Variants in RAB1A observed in about 807,000 individuals in gnomAD.
The protein encoded by RAB1A is ras-related protein Rab-1A.
Under a neutral mutation model 26.0 loss-of-function variants are expected in RAB1A, and 2 were observed. The observed-to-expected ratio is 0.08, with a 90% CI of 0.03 to 0.24. The LOEUF (loss-of-function observed/expected upper bound fraction) is 0.24, where lower values mean the gene tolerates loss of function less well. Among genes scored for constraint, RAB1A ranks in the 10% least tolerant of loss-of-function variants. The pLI is 1.00. For synonymous variants in RAB1A, 84 were observed against 84.9 expected (o/e 0.99, Z 0.06); for missense variants, 100 against 247.0 (o/e 0.40, Z 3.99).
chr2:65,113,037 C>T (rs745746176), intron 1 of RAB1A, among the ~76,000 whole-genome samples: 21 of 151,922 alleles, frequency 1.4e-4, no homozygotes, highest in Non-Finnish European at 2.5e-4. Context: ...AGAGAGAAGC[C>T]CCATCTCTTA....
intron 1 of RAB1A, among the ~76,000 whole-genome samples, chr2:65,108,175 A>G (rs568699544): frequency 1.3e-5 from 2 of 152,098 alleles, no homozygotes; most frequent in African/African-American, 4.8e-5. Context: ...CAGCCAGGCC[A>G]ACACGATGAA....
intron 1 of RAB1A, among the ~76,000 whole-genome samples, chr2:65,105,888 G>A (rs886186087): frequency 2.0e-5 from 3 of 151,832 alleles, no homozygotes; most frequent in Admixed American, 2.0e-4. Context: ...TCAGCCTCCC[G>A]AGTAGCTGGG....
intron 1 of RAB1A, among the ~76,000 whole-genome samples, chr2:65,124,389 T>TA (rs1195332270): frequency 1.3e-5 from 2 of 151,718 alleles, no homozygotes; most frequent in African/African-American, 4.8e-5. Context: ...CTGCACAACA[T>TA]AGGAGGCACA....
chr2:65,096,727 A>G (rs771305170), intron 3 of RAB1A, among the ~76,000 whole-genome samples: 1 of 152,238 alleles, frequency 6.6e-6, no homozygotes, highest in Non-Finnish European at 1.5e-5. Context: ...GTGTTTACTT[A>G]TATCAATATC....
chr2:65,125,737 T>C (rs1670082650), intron 1 of RAB1A, among the ~76,000 whole-genome samples: 1 of 151,956 alleles, frequency 6.6e-6, no homozygotes, highest in Admixed American at 6.6e-5. Flanking sequence ...CTTAATGTGC[T>C]GAAATAATCA....
intron 3 of RAB1A, among the ~76,000 whole-genome samples, chr2:65,095,506 C>T (rs934610843): frequency 7.1e-6 from 1 of 141,574 alleles, no homozygotes; most frequent in African/African-American, 2.6e-5. Context: ...TGGACCACCA[C>T]ACCTGGTTAC....
intron 3 of RAB1A, among the ~76,000 whole-genome samples, chr2:65,095,657 C>T (rs1451363292): frequency 6.6e-6 from 1 of 151,604 alleles, no homozygotes; most frequent in African/African-American, 2.4e-5. Flanking sequence ...AGGCAACATG[C>T]CTAGCTGAAG....
chr2:65,099,176 TACA>T (rs1669360236), intron 2 of RAB1A, among the ~76,000 whole-genome samples: 1 of 151,846 alleles, frequency 6.6e-6, no homozygotes, highest in Non-Finnish European at 1.5e-5. Flanking sequence ...ACTACAAATA[TACA>T]ACATTTTATC....
intron 2 of RAB1A, among the ~76,000 whole-genome samples, chr2:65,098,673 CT>C (rs2103836283): frequency 1.3e-5 from 2 of 152,182 alleles, no homozygotes; most frequent in Non-Finnish European, 2.9e-5. Context: ...AAGAACCCGT[CT>C]TCACTCCCTG....
chr2:65,098,962 G>A (rs1026459015), intron 2 of RAB1A, among the ~76,000 whole-genome samples: 2 of 150,406 alleles, frequency 1.3e-5, no homozygotes, highest in Non-Finnish European at 2.9e-5. Flanking sequence ...TCAGCCACCT[G>A]AGTAGTAGGG....
Position 65,088,419 on chromosome 2 carries a change from T to G in RAB1A, c.*74A>C. On this transcript the variant is annotated 3_prime_UTR_variant, in exon 6 of 6. Coordinates refer to ENST00000409784, the MANE Select transcript of RAB1A (RefSeq NM_004161.5). ...TGTAGTGCAGCTACATACAGTACAA[T>G]TCAGGCAATTTTGTTTTTTCACTTG... 3.1e-6 allele frequency: 4 copies of G among 1,285,770 alleles called. No individual in the cohort carries two copies. In the South Asian group the frequency reaches 4.3e-5, roughly 14 times the overall value. The allele number at this position is 1,285,770 out of a possible 1,614,324, so 79.6% of individuals were successfully genotyped here. A position where few individuals can be genotyped will look rare whatever the true frequency, so the allele number is the denominator to read the frequency against.
In RAB1A at chr2:65,105,511, C is replaced by CAAAAAAAAAA. The variant is rs60594101; in HGVS notation, c.24-715_24-706dup. On this transcript the variant is annotated intron_variant, in intron 1 of 5. Transcript: ENST00000409784. ...GGGCAATAAGAACGAAACTCTGTCT[C>CAAAAAAAAAA]AAAAAAAAAAAAAAAAAAAAAAAAA... 86 of 33,026 alleles carry CAAAAAAAAAA rather than the reference C, an allele frequency of 2.6e-3. 4 individuals carry two copies. The highest frequency in any genetic ancestry group is 8.6e-3 in the African/African-American group (84 of 9,758). 2.0% of individuals were successfully genotyped at this position (33,026 alleles called of 1,614,324 possible).
chr2:65,088,347 T>C lies in RAB1A; in HGVS notation c.*146A>G, dbSNP rs530260936. ...CAAGGGAATAAAAAAAAAGTCAGTATTGACCATTTACAATCTCTGACCTTT... is the reference window on the plus strand; with the variant it reads ...CAAGGGAATAAAAAAAAAGTCAGTACTGACCATTTACAATCTCTGACCTTT... On this transcript the variant is annotated 3_prime_UTR_variant, in exon 6 of 6. Transcript: ENST00000409784. 7.6e-6 allele frequency: 5 copies of C among 657,944 alleles called. No homozygotes were observed. Among genetic ancestry groups the C allele is most frequent in the East Asian group, 5.8e-5 (2 of 34,542 alleles). 40.8% of individuals were successfully genotyped at this position (657,944 alleles called of 1,614,324 possible). A position where few individuals can be genotyped will look rare whatever the true frequency, so the allele number is the denominator to read the frequency against.
intron 3 of RAB1A, among the ~76,000 whole-genome samples, chr2:65,096,097 G>A (rs1173516816): frequency 2.6e-5 from 4 of 151,938 alleles, no homozygotes; most frequent in African/African-American, 4.8e-5. Context: ...AGGCTGCAGC[G>A]AGCCAAGATT....
At chr2:65,101,500 G>A (rs561018490) in intron 2 of RAB1A, among the ~76,000 whole-genome samples, 2 of 152,058 alleles carry the variant, frequency 1.3e-5, no homozygotes, top group East Asian at 1.9e-4. Context: ...AGGTATTATT[G>A]GAAAACCTTT....
At chr2:65,118,362 A>G (rs911930430) in intron 1 of RAB1A, among the ~76,000 whole-genome samples, 5 of 152,216 alleles carry the variant, frequency 3.3e-5, no homozygotes, top group African/African-American at 1.2e-4. Flanking sequence ...CTTAATTTGT[A>G]AGCAGAGTCC....
chr2:65,113,892 T>C (rs1225989927), intron 1 of RAB1A, among the ~76,000 whole-genome samples: 1 of 152,214 alleles, frequency 6.6e-6, no homozygotes, highest in Non-Finnish European at 1.5e-5. Context: ...TTCTTCTTTA[T>C]ACCTTTTTAA....
At chr2:65,113,662 A>G (rs1325564892) in intron 1 of RAB1A, among the ~76,000 whole-genome samples, 1 of 152,274 alleles carries the variant, frequency 6.6e-6, no homozygotes, top group Admixed American at 6.5e-5. Context: ...TACAAAGTAG[A>G]GGATGAATCA....
chr2:65,107,028 C>T (rs1233132689), intron 1 of RAB1A, among the ~76,000 whole-genome samples: 2 of 152,108 alleles, frequency 1.3e-5, no homozygotes, highest in South Asian at 4.1e-4. Context: ...GCTGGGACTA[C>T]AGGTGTGAGC....
Sources: allele counts gnomAD v4.1 joint callset (sites outside exome capture counted in the v4.1 genomes callset), GRCh38; gene constraint gnomAD v4.1.1; transcripts MANE v1.5; gene names NCBI Gene and HGNC (gene_info 2026-07-23, HGNC 2026-07-21).